Variants in CDH4 observed in about 807,000 individuals in gnomAD.
The protein encoded by CDH4 is cadherin-4.
CDH4 carries 33 observed loss-of-function variants against 86.0 expected under a neutral mutation model. The observed-to-expected ratio is 0.38, with a 90% confidence interval of 0.29 to 0.51. The LOEUF is 0.51. CDH4 is among the 20% of genes least tolerant of loss of function. The pLI is 0.86. For missense variants in CDH4, 1,114 were observed against 1,307.4 expected (o/e 0.85, Z 2.28); for synonymous variants, 555 against 549.4 (o/e 1.01, Z -0.14).
At chr20:61,658,265 C>T (rs2087213773) in intron 2 of CDH4, among the ~76,000 whole-genome samples, 1 of 152,150 alleles carries the variant, frequency 6.6e-6, no homozygotes, top group South Asian at 2.1e-4. Flanking sequence ...CCTGCAACCC[C>T]CGAGTCACCA....
chr20:61,870,803 T>C (rs901553436), intron 6 of CDH4, among the ~76,000 whole-genome samples: 14 of 152,206 alleles, frequency 9.2e-5, no homozygotes, highest in African/African-American at 3.4e-4. Context: ...CAACATTGGC[T>C]TCACTTGCTC....
intron 6 of CDH4, among the ~76,000 whole-genome samples, chr20:61,866,686 C>T (rs571437027): frequency 4.6e-5 from 7 of 152,314 alleles, no homozygotes; most frequent in South Asian, 4.1e-4. Context: ...GGGTGTGAGA[C>T]GGTCAGTGCC....
At chr20:61,441,137 C>T (rs976298170) in intron 2 of CDH4, among the ~76,000 whole-genome samples, 2 of 152,200 alleles carry the variant, frequency 1.3e-5, no homozygotes, top group African/African-American at 4.8e-5. Flanking sequence ...AGCTTTCCCA[C>T]AGGTCACGCA....
At chr20:61,819,168 G>A (rs1017891562) in intron 4 of CDH4, among the ~76,000 whole-genome samples, 3 of 152,272 alleles carry the variant, frequency 2.0e-5, no homozygotes, top group South Asian at 2.1e-4. Flanking sequence ...TGTCACCTCC[G>A]CTTCCCAGAT....
chr20:61,586,213 A>C (rs1019599701), intron 2 of CDH4, among the ~76,000 whole-genome samples: 1 of 150,954 alleles, frequency 6.6e-6, no homozygotes, highest in Non-Finnish European at 1.5e-5. Flanking sequence ...TGGTGATGAT[A>C]ATGATATTAA....
chr20:61,654,189 A>G lies in CDH4; in HGVS notation c.170-89374A>G, dbSNP rs1026140616. Among the ~76,000 whole-genome samples, 6 of 152,320 alleles carry G rather than the reference A, an allele frequency of 3.9e-5. No homozygotes were observed. The South Asian group carries it at 1.2e-3, about 32-fold the overall frequency. On this transcript the variant is annotated intron_variant, in intron 2 of 15. Coordinates refer to ENST00000614565, the MANE Select transcript of CDH4 (RefSeq NM_001794.5). ...TGCAATCCCAGCACCTCGGGAGGCC[A>G]AGGCTGGCAGATCACTCGCGGTTAG... is the stretch of plus-strand genomic sequence containing the variant.
intron 2 of CDH4, among the ~76,000 whole-genome samples, chr20:61,585,089 A>C (rs1410946253): frequency 1.3e-5 from 2 of 152,230 alleles, no homozygotes; most frequent in African/African-American, 2.4e-5. Context: ...AAGGAAAACC[A>C]GGCTTGAGAG....
intron 2 of CDH4, among the ~76,000 whole-genome samples, chr20:61,280,690 C>T (rs2084253971): frequency 6.6e-6 from 1 of 152,190 alleles, no homozygotes; most frequent in African/African-American, 2.4e-5. Flanking sequence ...AAGCAGAGGC[C>T]CTGACATCTA....
At chr20:61,925,065 G>A (rs1408298146) in intron 11 of CDH4, among the ~76,000 whole-genome samples, 2 of 152,196 alleles carry the variant, frequency 1.3e-5, no homozygotes, top group Non-Finnish European at 2.9e-5. Context: ...ACCCTCCAGG[G>A]CCCTGGGAGT....
At chr20:61,352,558 T>A (rs2084719029) in intron 2 of CDH4, among the ~76,000 whole-genome samples, 1 of 152,224 alleles carries the variant, frequency 6.6e-6, no homozygotes, top group African/African-American at 2.4e-5. Context: ...CGTCCAGCCC[T>A]TTTCGTTTCT....
chr20:61,653,391 C>T (rs1568735342), intron 2 of CDH4, among the ~76,000 whole-genome samples: 1 of 139,426 alleles, frequency 7.2e-6, no homozygotes, highest in Non-Finnish European at 1.6e-5. Context: ...CCACCTTTCC[C>T]CCCTTTCTAT....
chr20:61,318,935 G>A (rs926169111), intron 2 of CDH4, among the ~76,000 whole-genome samples: 7 of 152,316 alleles, frequency 4.6e-5, no homozygotes, highest in Non-Finnish European at 7.3e-5. Flanking sequence ...CTCCTTGCCC[G>A]CAATGATGCT....
intron 2 of CDH4, among the ~76,000 whole-genome samples, chr20:61,513,310 G>T (rs956384486): frequency 6.6e-6 from 1 of 152,212 alleles, no homozygotes; most frequent in Non-Finnish European, 1.5e-5. Flanking sequence ...AACATCCACG[G>T]TCTCTGCAAG....
chr20:61,375,757 G>A (rs866877557), intron 2 of CDH4, among the ~76,000 whole-genome samples: 1 of 98,834 alleles, frequency 1.0e-5, no homozygotes, highest in South Asian at 4.0e-4. Flanking sequence ...GGTGATGATG[G>A]TGGTGCTGGT....
intron 2 of CDH4, among the ~76,000 whole-genome samples, chr20:61,624,188 C>T (rs927919365): frequency 1.3e-5 from 2 of 152,198 alleles, no homozygotes; most frequent in African/African-American, 2.4e-5. Flanking sequence ...CCAAAGCCGT[C>T]GTGCTAGGCC....
intron 2 of CDH4, among the ~76,000 whole-genome samples, chr20:61,600,431 G>T (rs1403324614): frequency 6.6e-6 from 1 of 152,308 alleles, no homozygotes; most frequent in East Asian, 1.9e-4. Context: ...CCTGGCTCTG[G>T]GGCCTTGAGG....
At chr20:61,495,902 CAAAAAAAAAA>C (rs72458954) in intron 2 of CDH4, among the ~76,000 whole-genome samples, 1 of 58,410 alleles carries the variant, frequency 1.7e-5, no homozygotes, top group Non-Finnish European at 3.1e-5. Context: ...GACTCCATCT[CAAAAAAAAAA>C]AAAAAAAAAA....
At chr20:61,371,130 A>C (rs2084837985) in intron 2 of CDH4, among the ~76,000 whole-genome samples, 1 of 152,148 alleles carries the variant, frequency 6.6e-6, no homozygotes, top group Admixed American at 6.5e-5. Context: ...GGAGCGTGTA[A>C]TCTGATTGCA....
intron 2 of CDH4, among the ~76,000 whole-genome samples, chr20:61,662,206 A>T (rs559129787): frequency 4.6e-5 from 7 of 152,170 alleles, no homozygotes; most frequent in Admixed American, 1.3e-4. Context: ...GCTTTGAGGG[A>T]AGTTGTAAAG....
Sources: allele counts gnomAD v4.1 joint callset (sites outside exome capture counted in the v4.1 genomes callset), GRCh38; gene constraint gnomAD v4.1.1; transcripts MANE v1.5; gene names NCBI Gene and HGNC (gene_info 2026-07-23, HGNC 2026-07-21).